The following DRC1 variants were observed in gnomAD, a reference collection of about 807,000 sequenced individuals.
DRC1 encodes the protein dynein regulatory complex protein 1.
Under a neutral mutation model 98.7 loss-of-function variants are expected in DRC1, and 74 were observed. The ratio of observed to expected loss-of-function variants is 0.75; its 90% CI spans 0.62 to 0.91. The LOEUF is 0.91. DRC1 is among the 40% of genes least tolerant of loss of function. DRC1 has a pLI of 0.00. For synonymous variants in DRC1, 336 were observed against 334.1 expected (o/e 1.01, Z -0.06); for missense variants, 875 against 886.0 (o/e 0.99, Z 0.16).
chr2:26,442,627 C>T (rs1391865491), intron 8 of DRC1, among the ~76,000 whole-genome samples: 3 of 152,142 alleles, frequency 2.0e-5, no homozygotes, highest in Admixed American at 6.5e-5. Flanking sequence ...TTGTTGATGA[C>T]TGCCAACCTC....
chr2:26,416,420 G>A (rs530143716), intron 2 of DRC1, among the ~76,000 whole-genome samples: 3 of 152,104 alleles, frequency 2.0e-5, no homozygotes, highest in East Asian at 3.8e-4. Flanking sequence ...GATTACAAGC[G>A]TGAGCCACCG....
At chr2:26,424,212 T>A in intron 3 of DRC1, 59 bp from the exon 4 acceptor site, 1 of 1,597,828 alleles carries the variant, frequency 6.3e-7, no homozygotes, top group South Asian at 1.1e-5. Flanking sequence ...ACGTACCTGC[T>A]CTACTGGAAG....
intron 7 of DRC1, among the ~76,000 whole-genome samples, chr2:26,439,936 T>TATATATATATATATATACAC (rs548209014): frequency 4.0e-5 from 3 of 75,502 alleles, no homozygotes; most frequent in African/African-American, 8.7e-5. Flanking sequence ...TATATATATA[T>TATATATATATATATATACAC]ACACACACAC....
At chr2:26,439,250 T>A (rs1663652037) in intron 7 of DRC1, among the ~76,000 whole-genome samples, 1 of 152,104 alleles carries the variant, frequency 6.6e-6, no homozygotes, top group East Asian at 1.9e-4. Flanking sequence ...GCACATTCTC[T>A]AGGTCTCAGC....
chr2:26,420,678 C>G (rs1044647018), intron 2 of DRC1, among the ~76,000 whole-genome samples: 1 of 151,972 alleles, frequency 6.6e-6, no homozygotes, highest in African/African-American at 2.4e-5. Context: ...TCTAGCCAAA[C>G]GCAGTGGCTT....
rs554103480 is a variant in DRC1 at position 26,412,909 on chromosome 2, A to G, written c.156-1435A>G. The stretch of plus-strand genomic sequence containing the variant: ...GCCATTCTCCTGCCTCAGCCTCCCA[A>G]GTAGCTGGGACTACAGGCGCCCACC... On this transcript the variant is annotated intron_variant, in intron 1 of 16. Coordinates refer to ENST00000288710, the MANE Select transcript of DRC1 (RefSeq NM_145038.5). 2.0e-5 allele frequency among the ~76,000 whole-genome samples: 3 copies of G among 152,142 alleles called. No homozygotes were observed. In the South Asian group the frequency reaches 6.2e-4, roughly 32 times the overall value.
Position 26,401,980 on chromosome 2 carries a change from G to A in DRC1, c.-10G>A, listed in dbSNP as rs1355646655. On this transcript the variant is annotated 5_prime_UTR_variant, in exon 1 of 17. Coordinates refer to ENST00000288710, the MANE Select transcript of DRC1 (RefSeq NM_145038.5). ...CGGAGGGAGCCGCCTAGGGACCAGGGACTCCTGCCATGAATCCGCCGGGGT... is the reference window on the plus strand; with the variant it reads ...CGGAGGGAGCCGCCTAGGGACCAGGAACTCCTGCCATGAATCCGCCGGGGT... The A allele has an allele frequency of 1.9e-6, 3 of 1,594,644 alleles. No individual in the cohort carries two copies. The highest frequency in any genetic ancestry group is 2.3e-5 in the East Asian group (1 of 43,984).
chr2:26,418,222 T>C (rs1258812871), intron 2 of DRC1, among the ~76,000 whole-genome samples: 2 of 151,962 alleles, frequency 1.3e-5, no homozygotes, highest in Non-Finnish European at 2.9e-5. Context: ...TATATGTGCC[T>C]CTTCCCGGAG....
In DRC1 at chr2:26,440,094, T is replaced by G. The variant is rs150291199; in HGVS notation, c.889-284T>G. Among the ~76,000 whole-genome samples the G allele has an allele frequency of 8.6e-5, 13 of 151,022 alleles. No individual in the cohort carries two copies. In the East Asian group the frequency reaches 2.5e-3, roughly 29 times the overall value. On this transcript the variant is annotated intron_variant, in intron 7 of 16. Coordinates refer to ENST00000288710, the MANE Select transcript of DRC1 (RefSeq NM_145038.5). ...GTTTCTTTTTATATTACTTCCAGTA[T>G]AAATTTCTACCAATACTTTTACCTC...
intron 10 of DRC1, chr2:26,448,363 G>T: frequency 1.9e-6 from 1 of 527,458 alleles, no homozygotes; most frequent in South Asian, 1.5e-5. Flanking sequence ...AAGAATAAAT[G>T]GGCTCACACT....
chr2:26,432,599 GA>G (rs887680684), intron 7 of DRC1, among the ~76,000 whole-genome samples: 7 of 27,024 alleles, frequency 2.6e-4, no homozygotes, highest in East Asian at 1.7e-3. Context: ...AGGAAAGAAA[GA>G]AAAAAAAAGA....
At chr2:26,410,880 G>A (rs894080262) in intron 1 of DRC1, among the ~76,000 whole-genome samples, 1 of 152,142 alleles carries the variant, frequency 6.6e-6, no homozygotes, top group Admixed American at 6.5e-5. Flanking sequence ...CAAAAATATG[G>A]TCACATACAA....
chr2:26,424,866 C>A (rs548065110), intron 4 of DRC1, among the ~76,000 whole-genome samples: 1 of 152,098 alleles, frequency 6.6e-6, no homozygotes, highest in Non-Finnish European at 1.5e-5. Context: ...GCAGGAGGGT[C>A]GCCTTAACAT....
chr2:26,409,625 T>G (rs907934446), intron 1 of DRC1, among the ~76,000 whole-genome samples: 1 of 152,200 alleles, frequency 6.6e-6, no homozygotes, highest in Non-Finnish European at 1.5e-5. Context: ...TTGGAGAACA[T>G]TTTGAAAATA....
rs1361358856 is a variant in DRC1, at chr2:26,450,051, A to G, written c.1565A>G (p.Glu522Gly). ...CTTCTCCTGCCCCTGGAGCAGAATG[A>G]ATGCTATCTGCTGAGGCTGGATGCC... is the stretch of plus-strand genomic sequence containing the variant. ...LSLLLPLEQN[E>G]CYLLRLDAIF... is the part of the protein sequence containing the mutation. Residue 522 changes from glutamate to glycine, a missense_variant, in exon 12 of 17, where the codon GAA becomes GGA. Glu to Gly is a moderately conservative substitution (Grantham distance 98). Coordinates refer to ENST00000288710, the MANE Select transcript of DRC1 (RefSeq NM_145038.5). 1 of 1,613,764 alleles carries G rather than the reference A, an allele frequency of 6.2e-7. No homozygotes were observed.
intron 7 of DRC1, among the ~76,000 whole-genome samples, chr2:26,438,307 C>T (rs1049764917): frequency 2.6e-5 from 4 of 152,144 alleles, no homozygotes; most frequent in Non-Finnish European, 5.9e-5. Flanking sequence ...CTTGCAGCTT[C>T]TTTCTCCTAT....
At chr2:26,410,594 T>C (rs1281992502) in intron 1 of DRC1, among the ~76,000 whole-genome samples, 2 of 152,086 alleles carry the variant, frequency 1.3e-5, no homozygotes, top group Non-Finnish European at 2.9e-5. Flanking sequence ...TTTTTTTTAA[T>C]TAGAAGATAT....
intron 3 of DRC1, among the ~76,000 whole-genome samples, chr2:26,422,349 T>C (rs1055828370): frequency 7.2e-5 from 11 of 152,086 alleles, no homozygotes; most frequent in Non-Finnish European, 1.2e-4. Flanking sequence ...TGTGTAAAGG[T>C]GGCAGCATTA....
chr2:26,422,567 G>A (rs913148242), intron 3 of DRC1, among the ~76,000 whole-genome samples: 22 of 152,262 alleles, frequency 1.4e-4, no homozygotes, highest in Non-Finnish European at 2.2e-4. Flanking sequence ...CTGATAGCAG[G>A]TCCTCATTTA....
Sources: allele counts gnomAD v4.1 joint callset (sites outside exome capture counted in the v4.1 genomes callset), GRCh38; gene constraint gnomAD v4.1.1; transcripts MANE v1.5; gene names NCBI Gene and HGNC (gene_info 2026-07-23, HGNC 2026-07-21).